Variants in UNC5C observed in about 807,000 individuals in gnomAD.
UNC5C encodes the protein unc-5 netrin receptor C.
A neutral mutation model predicts 99.8 loss-of-function variants in UNC5C; 47 were observed. The observed-to-expected ratio is 0.47, with a 90% CI of 0.37 to 0.60. The LOEUF (loss-of-function observed/expected upper bound fraction) is 0.60, where lower values mean the gene tolerates loss of function less well. Ranked by LOEUF, UNC5C falls within the 20% of genes least tolerant of loss-of-function variation. The pLI is 0.00. For missense variants in UNC5C, 1,062 were observed against 1,165.9 expected (o/e 0.91, Z 1.30); for synonymous variants, 487 against 452.2 (o/e 1.08, Z -0.98).
At chr4:95,239,555 G>A (rs1253110039) in intron 7 of UNC5C, among the ~76,000 whole-genome samples, 1 of 152,062 alleles carries the variant, frequency 6.6e-6, no homozygotes, top group African/African-American at 2.4e-5. Context: ...CCCCGCTCCT[G>A]GTTATATTGG....
chr4:95,239,347 C>CT (rs1487236652), intron 7 of UNC5C, among the ~76,000 whole-genome samples: 10 of 152,146 alleles, frequency 6.6e-5, no homozygotes, highest in Admixed American at 3.3e-4. Context: ...TTTCCTACCA[C>CT]TTTTTTCTAT....
intron 1 of UNC5C, among the ~76,000 whole-genome samples, chr4:95,437,939 G>A (rs1193542585): frequency 6.6e-6 from 1 of 152,012 alleles, no homozygotes; most frequent in Non-Finnish European, 1.5e-5. Context: ...TAAAGATAAA[G>A]GCAGAGCTGC....
chr4:95,279,332 A>G (rs1740970669), intron 3 of UNC5C, among the ~76,000 whole-genome samples: 1 of 152,182 alleles, frequency 6.6e-6, no homozygotes, highest in African/African-American at 2.4e-5. Context: ...ATGTATTTAT[A>G]TAGATATAGT....
intron 12 of UNC5C, among the ~76,000 whole-genome samples, chr4:95,190,715 C>G (rs1737048787): frequency 6.6e-6 from 1 of 152,130 alleles, no homozygotes; most frequent in South Asian, 2.1e-4. Flanking sequence ...CCATGCACAT[C>G]TACACACGCG....
intron 1 of UNC5C, among the ~76,000 whole-genome samples, chr4:95,403,581 C>T (rs1187592394): frequency 6.6e-6 from 1 of 152,114 alleles, no homozygotes; most frequent in African/African-American, 2.4e-5. Flanking sequence ...AATATAATAC[C>T]TTTATTATTG....
rs750460012 is a variant in UNC5C at position 95,548,863 on chromosome 4, A to G, written c.-6T>C. On this transcript the variant is annotated 5_prime_UTR_variant, in exon 1 of 16. Transcript: ENST00000453304. ...GCCCGCAGACCTTTCCTCATCGTAG[A>G]CAGAGGTGTGCCGGGGGGAGGGGAG... The G allele has an allele frequency of 1.7e-5, 28 of 1,612,372 alleles. No homozygotes were observed. Among genetic ancestry groups the G allele is most frequent in the Middle Eastern group, 1.8e-4 (1 of 5,542 alleles).
rs537306064 is a variant in UNC5C, at chr4:95,373,249, G to A, written c.125-37618C>T. Among the ~76,000 whole-genome samples the A allele has an allele frequency of 9.9e-5, 15 of 152,208 alleles. No homozygotes were observed. The South Asian group carries it at 2.9e-3, about 30-fold the overall frequency. ...CTTAACTGTTCCCCGGCTTTCCATG[G>A]TTTCATTTTACCATGGCCTAGAATG... On this transcript the variant is annotated intron_variant, in intron 1 of 15. Transcript: ENST00000453304.
chr4:95,361,030 C>A (rs985609250), intron 1 of UNC5C, among the ~76,000 whole-genome samples: 8 of 152,286 alleles, frequency 5.3e-5, no homozygotes, highest in African/African-American at 1.9e-4. Context: ...TCTGTGACTG[C>A]AGCTAGTTCA....
chr4:95,343,831 A>G (rs1743667702), intron 1 of UNC5C, among the ~76,000 whole-genome samples: 1 of 152,158 alleles, frequency 6.6e-6, no homozygotes. Flanking sequence ...AGCAGAATTA[A>G]TGAAGCAGAA....
intron 1 of UNC5C, among the ~76,000 whole-genome samples, chr4:95,458,246 T>C (rs1747500801): frequency 6.6e-6 from 1 of 152,000 alleles, no homozygotes; most frequent in Admixed American, 6.6e-5. Flanking sequence ...CCCATTGTAG[T>C]ATGATATTTT....
Position 95,170,085 on chromosome 4 carries a change from G to A in UNC5C, c.2630+69C>T, listed in dbSNP as rs575552680. On this transcript the variant is annotated intron_variant, in intron 15 of 15. Coordinates refer to ENST00000453304, the MANE Select transcript of UNC5C (RefSeq NM_003728.4). ...GAAAAAAAAATGAAGCTAACCCTAC[G>A]TCTAATAGTTATCGGTCCTGGAGGG... 5.2e-4 allele frequency: 807 copies of A among 1,548,426 alleles called. 10 individuals carry two copies. The South Asian group carries it at 8.8e-3, about 17-fold the overall frequency.
intron 1 of UNC5C, among the ~76,000 whole-genome samples, chr4:95,453,570 A>G (rs1747334646): frequency 6.6e-6 from 1 of 152,162 alleles, no homozygotes; most frequent in Non-Finnish European, 1.5e-5. Flanking sequence ...TCTAGGGTCA[A>G]AACATCACTA....
chr4:95,244,933 TGAA>T, intron 6 of UNC5C, 41 bp downstream of exon 6: 1 of 1,607,488 alleles, frequency 6.2e-7, no homozygotes, highest in Non-Finnish European at 8.5e-7. Flanking sequence ...GCATGTTTCT[TGAA>T]TAATAGGAGA....
chr4:95,500,558 A>G (rs190087226), intron 1 of UNC5C, among the ~76,000 whole-genome samples: 1 of 152,150 alleles, frequency 6.6e-6, no homozygotes, highest in African/African-American at 2.4e-5. Flanking sequence ...TCGAAATAAT[A>G]AAATCAGCAC....
intron 1 of UNC5C, among the ~76,000 whole-genome samples, chr4:95,489,200 A>G (rs1241895686): frequency 1.3e-5 from 2 of 151,552 alleles, no homozygotes; most frequent in Non-Finnish European, 3.0e-5. Flanking sequence ...GATTTCAGAC[A>G]TGACGATAGG....
intron 2 of UNC5C, among the ~76,000 whole-genome samples, chr4:95,302,120 A>G (rs560466799): frequency 1.3e-5 from 2 of 152,326 alleles, no homozygotes; most frequent in Middle Eastern, 6.8e-3. Context: ...GTTGTGGGTA[A>G]AATAAACGTA....
intron 1 of UNC5C, among the ~76,000 whole-genome samples, chr4:95,526,501 AAATTT>A (rs1384431343): frequency 2.0e-5 from 3 of 152,152 alleles, no homozygotes; most frequent in African/African-American, 2.4e-5. Flanking sequence ...GCTATACTTT[AAATTT>A]AAGTCTACTA....
At chr4:95,324,052 A>C (rs1742798568) in intron 2 of UNC5C, among the ~76,000 whole-genome samples, 1 of 151,990 alleles carries the variant, frequency 6.6e-6, no homozygotes, top group African/African-American at 2.4e-5. Context: ...TAAATAAATA[A>C]ATAAATAAAT....
At chr4:95,423,080 G>A (rs1560827232) in intron 1 of UNC5C, among the ~76,000 whole-genome samples, 1 of 152,154 alleles carries the variant, frequency 6.6e-6, no homozygotes, top group East Asian at 1.9e-4. Flanking sequence ...CTACCCCAGG[G>A]AATACCTTTA....
Sources: allele counts gnomAD v4.1 joint callset (sites outside exome capture counted in the v4.1 genomes callset), GRCh38; gene constraint gnomAD v4.1.1; transcripts MANE v1.5; gene names NCBI Gene and HGNC (gene_info 2026-07-23, HGNC 2026-07-21).